XPR1: variants seen among roughly 807,000 people sequenced by gnomAD.
XPR1 encodes solute carrier family 53 member 1.
A neutral mutation model predicts 87.5 loss-of-function variants in XPR1; 28 were observed. That is an observed-to-expected ratio of 0.32 (90% CI 0.24 to 0.44). The LOEUF (loss-of-function observed/expected upper bound fraction) is 0.44, where lower values mean the gene tolerates loss of function less well. XPR1 is among the 20% of genes least tolerant of loss of function. The probability of loss-of-function intolerance (pLI) is 1.00; values close to 1 mark genes in which losing one functional copy is unlikely to be tolerated. For synonymous variants in XPR1, 300 were observed against 306.1 expected (o/e 0.98, Z 0.21); for missense variants, 559 against 862.3 (o/e 0.65, Z 4.41).
intron 2 of XPR1, among the ~76,000 whole-genome samples, chr1:180,744,179 G>A (rs1659007472): frequency 6.6e-6 from 1 of 152,068 alleles, no homozygotes; most frequent in Non-Finnish European, 1.5e-5. Context: ...ATTCCTCTGT[G>A]GCTTAGATTG....
chr1:180,686,638 T>A (rs1051647596), intron 2 of XPR1, among the ~76,000 whole-genome samples: 5 of 152,152 alleles, frequency 3.3e-5, no homozygotes, highest in Non-Finnish European at 7.4e-5. Flanking sequence ...ATCAGGTTTT[T>A]AAAATGAGAG....
At position 180,887,734 on chromosome 1, in the gene XPR1, C is replaced by T. The variant is rs1571262959; in HGVS notation, c.*3668C>T. On this transcript the variant is annotated 3_prime_UTR_variant, in exon 15 of 15. Transcript: ENST00000367590. ...TAAAGAAGGAAAATGGGCCCCAGCC[C>T]CTAGGATCCCTGACTTCCTGATATT... 3 of 152,132 alleles carry T rather than the reference C, an allele frequency of 2.0e-5. No individual in the cohort carries two copies. In the East Asian group the frequency reaches 5.8e-4, roughly 29 times the overall value. The allele number at this position is 152,132 out of a possible 1,614,324, so 9.4% of individuals were successfully genotyped here.
chr1:180,807,910 A>G (rs1650058827), intron 6 of XPR1, among the ~76,000 whole-genome samples: 1 of 152,146 alleles, frequency 6.6e-6, no homozygotes, highest in African/African-American at 2.4e-5. Flanking sequence ...AGGCTGAAGC[A>G]CAAGAATCAC....
intron 2 of XPR1, among the ~76,000 whole-genome samples, chr1:180,761,878 CCAA>C (rs1218220086): frequency 1.3e-5 from 2 of 152,050 alleles, no homozygotes; most frequent in African/African-American, 4.8e-5. Context: ...ACCCAAATGT[CCAA>C]CAACAATAGA....
intron 1 of XPR1, among the ~76,000 whole-genome samples, chr1:180,662,092 A>G (rs1655799851): frequency 6.6e-6 from 1 of 152,176 alleles, no homozygotes; most frequent in East Asian, 1.9e-4. Context: ...TCATCTTTCT[A>G]CTTCAGATAT....
At chr1:180,799,806 G>A (rs1350627088) in intron 3 of XPR1, among the ~76,000 whole-genome samples, 2 of 152,062 alleles carry the variant, frequency 1.3e-5, no homozygotes, top group African/African-American at 4.8e-5. Context: ...TGCATGCCAG[G>A]GGCTAGAGGT....
intron 2 of XPR1, among the ~76,000 whole-genome samples, chr1:180,720,352 G>T (rs1658139842): frequency 6.6e-6 from 1 of 152,168 alleles, no homozygotes; most frequent in Non-Finnish European, 1.5e-5. Flanking sequence ...AGTTGGTAAT[G>T]TGACAGTTCT....
intron 2 of XPR1, among the ~76,000 whole-genome samples, chr1:180,689,056 T>C (rs1322232241): frequency 1.3e-5 from 2 of 152,208 alleles, no homozygotes; most frequent in African/African-American, 4.8e-5. Flanking sequence ...TTTCTACTCT[T>C]TATTTGTGAT....
At chr1:180,741,278 C>G (rs1557984117) in intron 2 of XPR1, among the ~76,000 whole-genome samples, 1 of 152,162 alleles carries the variant, frequency 6.6e-6, no homozygotes, top group Non-Finnish European at 1.5e-5. Context: ...ATTCTCCTAC[C>G]TTATTCTCCC....
At chr1:180,635,223 G>T (rs1295587014) in intron 1 of XPR1, among the ~76,000 whole-genome samples, 1 of 152,154 alleles carries the variant, frequency 6.6e-6, no homozygotes, top group African/African-American at 2.4e-5. Context: ...AGTAGTTTGT[G>T]CAAAGAATAA....
At chr1:180,748,400 CTTTTTTTTTTTTTTTTTTTTTTTT>C (rs71297873) in intron 2 of XPR1, among the ~76,000 whole-genome samples, 1 of 29,650 alleles carries the variant, frequency 3.4e-5, no homozygotes. Flanking sequence ...TTATTTATGT[CTTTTTTTTTTTTTTTTTTTTTTTT>C]TTTTTTTTTT....
intron 7 of XPR1, among the ~76,000 whole-genome samples, chr1:180,822,742 T>C (rs1397108076): frequency 6.6e-6 from 1 of 152,160 alleles, no homozygotes; most frequent in East Asian, 1.9e-4. Context: ...CTTATGAGAA[T>C]AGATATTATC....
At chr1:180,741,489 TTTTG>T (rs1197428260) in intron 2 of XPR1, among the ~76,000 whole-genome samples, 1 of 151,646 alleles carries the variant, frequency 6.6e-6, no homozygotes, top group Non-Finnish European at 1.5e-5. Flanking sequence ...TGGAAGGTTT[TTTTG>T]TTTGTTTTTT....
At chr1:180,679,395 C>G (rs1325835084) in intron 1 of XPR1, among the ~76,000 whole-genome samples, 1 of 152,146 alleles carries the variant, frequency 6.6e-6, no homozygotes, top group Non-Finnish European at 1.5e-5. Context: ...TCTCTAGATG[C>G]CGGGAATGCT....
At position 180,632,348 on chromosome 1, in the gene XPR1, G is replaced by T. The variant is rs570569725; in HGVS notation, c.69+78G>T. On this transcript the variant is annotated intron_variant, in intron 1 of 14. Transcript: ENST00000367590. The stretch of plus-strand genomic sequence containing the variant: ...GTCCTGACGTCCACCGCCGCCTTCC[G>T]CTTCAGCTGGCTCCCTGTGCCCGGG... 37 of 1,512,728 alleles carry T rather than the reference G, an allele frequency of 2.4e-5. No homozygotes were observed. The South Asian group carries it at 2.9e-4, about 12-fold the overall frequency. The allele number at this position is 1,512,728 out of a possible 1,614,324, so 93.7% of individuals were successfully genotyped here.
At chr1:180,719,191 AC>A (rs1308038517) in intron 2 of XPR1, among the ~76,000 whole-genome samples, 1 of 152,232 alleles carries the variant, frequency 6.6e-6, no homozygotes, top group African/African-American at 2.4e-5. Context: ...GATTTATTGA[AC>A]CTGAGAACAG....
At chr1:180,758,056 A>C (rs2102046637) in intron 2 of XPR1, among the ~76,000 whole-genome samples, 2 of 151,782 alleles carry the variant, frequency 1.3e-5, no homozygotes. Context: ...TGACCACCAT[A>C]CATGTCCTAA....
At chr1:180,742,540 C>G (rs919759500) in intron 2 of XPR1, among the ~76,000 whole-genome samples, 1 of 151,980 alleles carries the variant, frequency 6.6e-6, no homozygotes, top group African/African-American at 2.4e-5. Flanking sequence ...TTTTATGACC[C>G]AGGATATAGT....
At chr1:180,753,688 A>G (rs1647618581) in intron 2 of XPR1, among the ~76,000 whole-genome samples, 1 of 152,124 alleles carries the variant, frequency 6.6e-6, no homozygotes, top group South Asian at 2.1e-4. Flanking sequence ...TTACTCAATT[A>G]TGTGACATAT....
Sources: allele counts gnomAD v4.1 joint callset (sites outside exome capture counted in the v4.1 genomes callset), GRCh38; gene constraint gnomAD v4.1.1; transcripts MANE v1.5; gene names NCBI Gene and HGNC (gene_info 2026-07-23, HGNC 2026-07-21).